DGKB: variants seen among roughly 807,000 people sequenced by gnomAD.
DGKB encodes diacylglycerol kinase beta.
DGKB carries 67 observed loss-of-function variants against 114.3 expected under a neutral mutation model. That is an observed-to-expected ratio of 0.59 (90% CI 0.48 to 0.72). The LOEUF (loss-of-function observed/expected upper bound fraction) is 0.72. Ranked by LOEUF, DGKB falls within the 30% of genes least tolerant of loss-of-function variation. The pLI, the probability that DGKB is intolerant of heterozygous loss-of-function variation, is 0.00. For synonymous variants in DGKB, 398 were observed against 323.1 expected (o/e 1.23, Z -2.49); for missense variants, 907 against 975.2 (o/e 0.93, Z 0.93).
intron 20 of DGKB, among the ~76,000 whole-genome samples, chr7:14,541,411 C>T (rs902515022): frequency 2.0e-5 from 3 of 152,090 alleles, no homozygotes; most frequent in Admixed American, 6.6e-5. Flanking sequence ...CCTGCTCTCA[C>T]GTAGCACAGC....
intron 2 of DGKB, among the ~76,000 whole-genome samples, chr7:14,805,284 C>T (rs957234778): frequency 6.6e-6 from 1 of 152,114 alleles, no homozygotes; most frequent in Non-Finnish European, 1.5e-5. Context: ...ATGCCATCTA[C>T]ACATTGCAGG....
At chr7:14,499,298 G>C (rs1443576923) in intron 20 of DGKB, among the ~76,000 whole-genome samples, 1 of 151,514 alleles carries the variant, frequency 6.6e-6, no homozygotes, top group Non-Finnish European at 1.5e-5. Context: ...TATTATTATT[G>C]CTTGAGGCTG....
Position 14,354,460 on chromosome 7 carries a change from T to G in DGKB, c.1836-9069A>C, listed in dbSNP as rs568423343. 3.9e-5 allele frequency among the ~76,000 whole-genome samples: 6 copies of G among 152,276 alleles called. No homozygotes were observed. The East Asian group carries it at 1.2e-3, about 29-fold the overall frequency. On this transcript the variant is annotated intron_variant, in intron 21 of 25. Coordinates refer to ENST00000402815, the MANE Select transcript of DGKB (RefSeq NM_001350709.2). ...ATTCATTTATTCAACAATCTGAGCATTTACTATAGGTCCAGTACTGTTATA... is the reference window on the plus strand; with the variant it reads ...ATTCATTTATTCAACAATCTGAGCAGTTACTATAGGTCCAGTACTGTTATA...
chr7:14,771,517 T>A (rs73682548), intron 2 of DGKB, among the ~76,000 whole-genome samples: 1 of 152,068 alleles, frequency 6.6e-6, no homozygotes, highest in Non-Finnish European at 1.5e-5. Context: ...ATGGTCTTGA[T>A]AGCAATGAGG....
At chr7:14,206,621 G>GT (rs1786865566) in intron 23 of DGKB, among the ~76,000 whole-genome samples, 1 of 151,888 alleles carries the variant, frequency 6.6e-6, no homozygotes. Context: ...ATTTTTTACA[G>GT]TAAACAACAT....
At chr7:14,383,410 T>C (rs141755690) in intron 21 of DGKB, among the ~76,000 whole-genome samples, 366 of 152,342 alleles carry the variant, frequency 2.4e-3, no homozygotes, top group African/African-American at 7.8e-3. Flanking sequence ...TTTTGCAGCA[T>C]ATATCATGAA....
intron 3 of DGKB, among the ~76,000 whole-genome samples, chr7:14,755,438 T>C (rs1306386762): frequency 4.6e-5 from 7 of 152,302 alleles, no homozygotes; most frequent in African/African-American, 1.7e-4. Context: ...ATACAAGCTA[T>C]GTTCCTTTTA....
Position 14,844,258 on chromosome 7 carries a change from T to C in DGKB, c.-187-2808A>G, listed in dbSNP as rs569429257. On this transcript the variant is annotated intron_variant, in intron 1 of 25. Transcript: ENST00000402815. ...CACCTTACCACCTGAAATGGTGACA[T>C]GTTGGCTGCAAACCCAGAAGTTTCT... 8.5e-5 allele frequency among the ~76,000 whole-genome samples: 13 copies of C among 152,316 alleles called. No individual in the cohort carries two copies. The East Asian group carries it at 2.3e-3, about 27-fold the overall frequency.
chr7:14,387,078 G>C (rs1583568407), intron 21 of DGKB, among the ~76,000 whole-genome samples: 2 of 150,496 alleles, frequency 1.3e-5, no homozygotes, highest in Admixed American at 6.7e-5. Flanking sequence ...ATGTAAAACA[G>C]TTTTGTTTGT....
rs141184153 is a variant in DGKB at position 14,523,319 on chromosome 7, C to T, written c.1771-45094G>A. On this transcript the variant is annotated intron_variant, in intron 20 of 25. Transcript: ENST00000402815. ...CACCTATGAAAAGAGACTACCTTTTCCTTGTTCATGAAAGCTGTTTCAAAA... is the reference window on the plus strand; with the variant it reads ...CACCTATGAAAAGAGACTACCTTTTTCTTGTTCATGAAAGCTGTTTCAAAA... 7.0e-3 allele frequency among the ~76,000 whole-genome samples: 1,069 copies of T among 152,250 alleles called. 11 individuals carry two copies. The highest frequency in any genetic ancestry group is 0.025 in the African/African-American group (1,031 of 41,556).
chr7:14,736,301 T>C, intron 4 of DGKB, 107 bp from the exon 5 acceptor site: 1 of 661,116 alleles, frequency 1.5e-6, no homozygotes, highest in East Asian at 3.0e-5. Context: ...ACCATTTTTA[T>C]ATCCAAGTTT....
intron 13 of DGKB, among the ~76,000 whole-genome samples, chr7:14,668,712 T>C (rs1333070206): frequency 6.6e-6 from 1 of 152,128 alleles, no homozygotes; most frequent in East Asian, 1.9e-4. Context: ...ATTTACAATG[T>C]ACTATTTCTA....
At chr7:14,400,423 C>T (rs1327600511) in intron 21 of DGKB, among the ~76,000 whole-genome samples, 6 of 151,848 alleles carry the variant, frequency 4.0e-5, no homozygotes, top group African/African-American at 1.2e-4. Flanking sequence ...TATACTTGTG[C>T]CTCTACAGAA....
chr7:14,596,785 T>G (rs1371050314), intron 17 of DGKB, among the ~76,000 whole-genome samples: 1 of 152,162 alleles, frequency 6.6e-6, no homozygotes, highest in Non-Finnish European at 1.5e-5. Context: ...ATACAGGGCA[T>G]GGGGGAGGGC....
At chr7:14,913,113 T>C (rs945066804) in intron 1 of DGKB, among the ~76,000 whole-genome samples, 3 of 152,094 alleles carry the variant, frequency 2.0e-5, no homozygotes, top group African/African-American at 7.2e-5. Flanking sequence ...TGTTCCAGCA[T>C]TGTGGATCAG....
At chr7:14,329,819 A>G (rs1307428500) in intron 23 of DGKB, among the ~76,000 whole-genome samples, 1 of 151,968 alleles carries the variant, frequency 6.6e-6, no homozygotes, top group South Asian at 2.1e-4. Flanking sequence ...TGTGTTATTT[A>G]ATCACTTGAG....
chr7:14,334,563 A>G (rs1458932029), intron 23 of DGKB, among the ~76,000 whole-genome samples: 1 of 151,658 alleles, frequency 6.6e-6, no homozygotes. Flanking sequence ...TAGTTTTTTT[A>G]TTGTCCGCAA....
chr7:14,660,814 C>G (rs1816900435), intron 13 of DGKB, among the ~76,000 whole-genome samples: 1 of 151,954 alleles, frequency 6.6e-6, no homozygotes, highest in Admixed American at 6.6e-5. Context: ...TACTACAAGG[C>G]TACAGTAACC....
At chr7:14,850,945 C>T (rs977959005) in intron 1 of DGKB, among the ~76,000 whole-genome samples, 6 of 152,152 alleles carry the variant, frequency 3.9e-5, no homozygotes, top group African/African-American at 1.4e-4. Context: ...CTGAGCCTCA[C>T]TTTCCTTTCT....
Sources: gnomAD v4.1 joint callset for allele counts (sites outside exome capture counted in the v4.1 genomes callset) on GRCh38, gnomAD v4.1.1 for gene constraint, MANE v1.5 for transcripts, NCBI Gene and HGNC (gene_info 2026-07-23, HGNC 2026-07-21) for gene names.